ACACB: variants seen among roughly 807,000 people sequenced by gnomAD.
ACACB encodes the protein acetyl-CoA carboxylase 2.
ACACB carries 209 observed loss-of-function variants against 278.8 expected under a neutral mutation model. The ratio of observed to expected loss-of-function variants is 0.75; its 90% confidence interval spans 0.67 to 0.84. The LOEUF (loss-of-function observed/expected upper bound fraction) is 0.84, where lower values mean the gene tolerates loss of function less well. ACACB is among the 40% of genes least tolerant of loss of function. The probability of loss-of-function intolerance (pLI) is 0.00; values close to 1 mark genes in which losing one functional copy is unlikely to be tolerated. For synonymous variants in ACACB, 1,174 were observed against 1,285.6 expected (o/e 0.91, Z 1.86); for missense variants, 2,850 against 3,269.0 (o/e 0.87, Z 3.13).
intron 1 of ACACB, among the ~76,000 whole-genome samples, chr12:109,130,150 T>C (rs939116678): frequency 2.6e-5 from 4 of 152,174 alleles, no homozygotes; most frequent in African/African-American, 7.2e-5. Flanking sequence ...CATGGTGCTC[T>C]GAGTGGAGAT....
At chr12:109,225,559 C>T (rs543376955) in intron 27 of ACACB, among the ~76,000 whole-genome samples, 1 of 152,320 alleles carries the variant, frequency 6.6e-6, no homozygotes, top group Admixed American at 6.5e-5. Flanking sequence ...ATGGTGGGAA[C>T]CTTCCCCAAA....
chr12:109,130,595 G>T (rs1013432713), intron 1 of ACACB, among the ~76,000 whole-genome samples: 2 of 152,070 alleles, frequency 1.3e-5, no homozygotes, highest in Non-Finnish European at 2.9e-5. Flanking sequence ...GTGCTTCCCC[G>T]CATTCAGCTG....
At chr12:109,172,008 TC>T in intron 5 of ACACB, 94 bp downstream of exon 5, 2 of 1,060,840 alleles carry the variant, frequency 1.9e-6, no homozygotes, top group Non-Finnish European at 2.8e-6. Context: ...GGGTGGAGGG[TC>T]CAGATCCCAC....
chr12:109,167,151 A>G, intron 3 of ACACB, 158 bp downstream of exon 3: 1 of 823,018 alleles, frequency 1.2e-6, no homozygotes, highest in Non-Finnish European at 1.9e-6. Flanking sequence ...TTAACCCTCA[A>G]ATAGAAATAA....
rs1181478905 is a variant in ACACB, at chr12:109,267,194, A to G, written c.*832A>G. The G allele has an allele frequency of 6.6e-6, 1 of 152,088 alleles. No homozygotes were observed. Among genetic ancestry groups the G allele is most frequent in the Non-Finnish European group, 1.5e-5 (1 of 68,020 alleles). 9.4% of individuals were successfully genotyped at this position (152,088 alleles called of 1,614,324 possible). A position where few individuals can be genotyped will look rare whatever the true frequency, so the allele number is the denominator to read the frequency against. ...CCATCTTCAGCCAGATGATTTTTTT[A>G]TTGAGAGAGTGAAATGCTATTTTGT... On this transcript the variant is annotated 3_prime_UTR_variant, in exon 53 of 53. Transcript: ENST00000338432.
chr12:109,204,324 G>C (rs1052095942), intron 19 of ACACB, among the ~76,000 whole-genome samples: 2 of 145,178 alleles, frequency 1.4e-5, no homozygotes, highest in African/African-American at 5.1e-5. Flanking sequence ...GCCCAGGCTG[G>C]AGTGCAGTGG....
chr12:109,185,761 T>G, intron 12 of ACACB, 21 bp downstream of exon 12: 3 of 1,594,822 alleles, frequency 1.9e-6, no homozygotes. Flanking sequence ...GGGGCCCCTG[T>G]GTTTCCACCA....
chr12:109,242,311 CTT>C, intron 36 of ACACB, 124 bp from the exon 37 acceptor site: 5 of 1,106,006 alleles, frequency 4.5e-6, no homozygotes, highest in Non-Finnish European at 6.6e-6. Context: ...CAGGCACTCA[CTT>C]TGTCATGCCA....
intron 24 of ACACB, among the ~76,000 whole-genome samples, chr12:109,221,590 C>G (rs2046161657): frequency 6.6e-6 from 1 of 152,196 alleles, no homozygotes; most frequent in East Asian, 1.9e-4. Flanking sequence ...CCACGTCCCT[C>G]TCCTCTGAAA....
intron 34 of ACACB, among the ~76,000 whole-genome samples, chr12:109,239,377 G>C (rs1438766339): frequency 6.6e-6 from 1 of 152,216 alleles, no homozygotes; most frequent in Admixed American, 6.5e-5. Context: ...TCAGGCAGCA[G>C]AGGGACAGAG....
chr12:109,142,405 T>C (rs2043143793), intron 2 of ACACB, among the ~76,000 whole-genome samples: 1 of 152,144 alleles, frequency 6.6e-6, no homozygotes, highest in Admixed American at 6.6e-5. Context: ...CATCCATATT[T>C]GGTAGATAAT....
chr12:109,111,292 C>G, the ACACB span: 10 of 152,330 alleles, frequency 6.6e-5, no homozygotes, highest in Non-Finnish European at 1.5e-4. Flanking sequence ...GGCATTTCTT[C>G]GGGGAACATG....
At chr12:109,140,268 TTCTTTCCTTCCTTCCTTC>T (rs2043080253) in intron 2 of ACACB, among the ~76,000 whole-genome samples, 3 of 59,068 alleles carry the variant, frequency 5.1e-5, no homozygotes, top group East Asian at 3.2e-4. Context: ...CCTTCCTTCC[TTCTTTCCTTCCTTCCTTC>T]CTTCCTTCCT....
intron 4 of ACACB, among the ~76,000 whole-genome samples, chr12:109,170,830 A>G (rs2044088287): frequency 6.6e-6 from 1 of 150,644 alleles, no homozygotes; most frequent in African/African-American, 2.4e-5. Context: ...TCTGTATTGT[A>G]TTTTTGTTTG....
chr12:109,132,251 G>T (rs932482890), intron 1 of ACACB, among the ~76,000 whole-genome samples: 4 of 151,848 alleles, frequency 2.6e-5, no homozygotes, highest in African/African-American at 9.7e-5. Context: ...TGCAACCTCT[G>T]CCTCCTGGGT....
chr12:109,199,927 G>A (rs1026920659), intron 18 of ACACB, among the ~76,000 whole-genome samples: 1 of 151,368 alleles, frequency 6.6e-6, no homozygotes, highest in East Asian at 2.0e-4. Flanking sequence ...GCAGGAGGAT[G>A]GCGTGAAGGC....
chr12:109,172,920 A>G (rs1488405765), intron 6 of ACACB, among the ~76,000 whole-genome samples: 1 of 152,228 alleles, frequency 6.6e-6, no homozygotes, highest in Non-Finnish European at 1.5e-5. Context: ...GTCAACCTAA[A>G]TGCCCATCAA....
intron 33 of ACACB, among the ~76,000 whole-genome samples, chr12:109,236,922 C>T (rs1397714158): frequency 3.9e-5 from 6 of 152,166 alleles, no homozygotes; most frequent in Admixed American, 1.3e-4. Flanking sequence ...CAGGAGCCAG[C>T]GCTGCACCCA....
chr12:109,237,501 T>A (rs2046665712), intron 34 of ACACB, 121 bp downstream of exon 34: 1 of 1,072,100 alleles, frequency 9.3e-7, no homozygotes, highest in East Asian at 2.6e-5. Flanking sequence ...ACACCCAGGG[T>A]CCTGCCCTTG....
Sources: allele counts gnomAD v4.1 joint callset (sites outside exome capture counted in the v4.1 genomes callset), GRCh38; gene constraint gnomAD v4.1.1; transcripts MANE v1.5; gene names NCBI Gene and HGNC (gene_info 2026-07-23, HGNC 2026-07-21).